Variants in ADAMTS13 observed in about 807,000 individuals in gnomAD.
ADAMTS13 encodes the protein A disintegrin and metalloproteinase with thrombospondin motifs 13.
ADAMTS13 carries 110 observed loss-of-function variants against 155.1 expected under a neutral mutation model. The ratio of observed to expected loss-of-function variants is 0.71; its 90% CI spans 0.61 to 0.83. ADAMTS13 has a LOEUF of 0.83. Ranked by LOEUF, ADAMTS13 falls within the 40% of genes least tolerant of loss-of-function variation. The pLI is 0.00. For synonymous variants in ADAMTS13, 758 were observed against 756.4 expected (o/e 1.00, Z -0.03); for missense variants, 1,707 against 1,891.7 (o/e 0.90, Z 1.81).
rs970382362 is a variant in ADAMTS13 at position 133,424,489 on chromosome 9, C to T, written c.330+11C>T. The T allele has an allele frequency of 6.2e-7, 1 of 1,610,174 alleles. No individual in the cohort carries two copies. The highest frequency in any genetic ancestry group is 2.2e-5 in the East Asian group (1 of 44,610). On this transcript the variant is annotated intron_variant, in intron 3 of 28. Transcript: ENST00000355699. The surrounding 1 kb of genome is among the most constrained non-coding windows in gnomAD (Gnocchi z 4.3). ...ACCAACCTCAACATCGTGAGTGCCC[C>T]ACGCTGGACTGTGCAGGTCCCCACG...
intron 25 of ADAMTS13, chr9:133,455,766 C>T: frequency 2.0e-6 from 2 of 984,930 alleles, no homozygotes; most frequent in Admixed American, 4.1e-5. Context: ...GCAAAACCTC[C>T]CTTTTACTAC....
rs142489534 is a variant in ADAMTS13 at position 133,456,566 on chromosome 9, C to T, written c.3571C>T (p.Arg1191Trp). Residue 1191 changes from arginine to tryptophan, a missense_variant, in exon 27 of 29, where the codon CGG (arginine) becomes TGG (tryptophan). Around this residue, in one of 3 missense-constraint regions of ADAMTS13, gnomAD observed 961 missense variants for 1,107.9 expected, o/e 0.87. Coordinates refer to ENST00000355699, the MANE Select transcript of ADAMTS13 (RefSeq NM_139027.6). This position sits in a 1 kb window ranked among gnomAD's most constrained non-coding sequence, Gnocchi z 4.4. ...AGGGGACATGTTGCTGCTTTGGGGC[C>T]GGCTCACCTGGAGGAAGATGTGCAG... is the stretch of plus-strand genomic sequence containing the variant. The part of the protein sequence containing the change: ...SAGDMLLLWG[R>W]LTWRKMCRKL... 94 of 1,613,364 alleles carry T rather than the reference C, an allele frequency of 5.8e-5. No homozygotes were observed. In the African/African-American group the frequency reaches 9.3e-4, roughly 16 times the overall value.
rs75528181 is a variant in ADAMTS13 at position 133,456,510 on chromosome 9, G to A, written c.3548-33G>A. 590 of 1,609,416 alleles carry A rather than the reference G, an allele frequency of 3.7e-4. 5 individuals carry two copies. The East Asian group carries it at 0.013, about 35-fold the overall frequency. On this transcript the variant is annotated intron_variant, in intron 26 of 28. Coordinates refer to ENST00000355699, the MANE Select transcript of ADAMTS13 (RefSeq NM_139027.6). This position sits in a 1 kb window ranked among gnomAD's most constrained non-coding sequence, Gnocchi z 4.4. ...ACTCCTCTGCTGACCAGGCGTGGGAGTGCTGGACCCTCACTGCCCTGCCGC... is the reference window on the plus strand; with the variant it reads ...ACTCCTCTGCTGACCAGGCGTGGGAATGCTGGACCCTCACTGCCCTGCCGC...
At chr9:133,433,184 G>A (rs1840901770) in intron 9 of ADAMTS13, among the ~76,000 whole-genome samples, 194 bp from the exon 10 acceptor site, 1 of 149,790 alleles carries the variant, frequency 6.7e-6, no homozygotes, top group Non-Finnish European at 1.5e-5. Context: ...GGGGGTCTCT[G>A]TGTGTGTTGG....
At chr9:133,436,220 G>A (rs1376503804) in intron 11 of ADAMTS13, among the ~76,000 whole-genome samples, 1 of 151,912 alleles carries the variant, frequency 6.6e-6, no homozygotes, top group African/African-American at 2.4e-5. Context: ...GGCCCTGGGT[G>A]TGGGTTTGTC....
chr9:133,457,762 A>T, intron 27 of ADAMTS13, 148 bp from the exon 28 acceptor site: 1 of 969,628 alleles, frequency 1.0e-6, no homozygotes, highest in Non-Finnish European at 1.6e-6. Context: ...AGGAAGTGGT[A>T]GAGGTGGGGT....
chr9:133,456,049 G>T lies in ADAMTS13; in HGVS notation c.3401-20G>T, dbSNP rs374340359. The T allele has an allele frequency of 6.2e-7, 1 of 1,613,004 alleles. No homozygotes were observed. Among genetic ancestry groups the T allele is most frequent in the Non-Finnish European group, 8.5e-7 (1 of 1,180,042 alleles). ...GGAATCGGGGAAGCACTGCTTACCT[G>T]TCTCCTGCTCCCTTTTCAGGTGCCT... On this transcript the variant is annotated intron_variant, in intron 25 of 28. Coordinates refer to ENST00000355699, the MANE Select transcript of ADAMTS13 (RefSeq NM_139027.6). This position sits in a 1 kb window ranked among gnomAD's most constrained non-coding sequence, Gnocchi z 4.4.
intron 17 of ADAMTS13, 37 bp downstream of exon 17, chr9:133,442,571 G>GCC (rs35957537): frequency 2.5e-6 from 4 of 1,613,418 alleles, no homozygotes; most frequent in Non-Finnish European, 3.4e-6. Context: ...AGCACGGCTT[G>GCC]CCCCTGCAGG....
In ADAMTS13 at chr9:133,425,703, C is replaced by T. The variant is rs1466001396; in HGVS notation, c.414+91C>T. 3.4e-6 allele frequency: 5 copies of T among 1,463,482 alleles called. No individual in the cohort carries two copies. Among genetic ancestry groups the T allele is most frequent in the East Asian group, 2.4e-5 (1 of 40,940 alleles). 90.7% of individuals were successfully genotyped at this position (1,463,482 alleles called of 1,614,324 possible). On this transcript the variant is annotated intron_variant, in intron 4 of 28. Coordinates refer to ENST00000355699, the MANE Select transcript of ADAMTS13 (RefSeq NM_139027.6). This position sits in a 1 kb window ranked among gnomAD's most constrained non-coding sequence, Gnocchi z 4.6. Reference sequence around the variant, plus strand: ...CCTCTTTAACCTCTTGTCCCGGATGCCCCAAGCAGCATGGATCACAGAATG... The same window carrying T: ...CCTCTTTAACCTCTTGTCCCGGATGTCCCAAGCAGCATGGATCACAGAATG...
chr9:133,424,205 G>T lies in ADAMTS13; in HGVS notation c.173-116G>T. 2 of 1,513,738 alleles carry T rather than the reference G, an allele frequency of 1.3e-6. No homozygotes were observed. Among genetic ancestry groups the T allele is most frequent in the East Asian group, 2.3e-5 (1 of 44,392 alleles). The allele number at this position is 1,513,738 out of a possible 1,614,324, so 93.8% of individuals were successfully genotyped here. A position where few individuals can be genotyped will look rare whatever the true frequency, so the allele number is the denominator to read the frequency against. On this transcript the variant is annotated intron_variant, in intron 2 of 28. Transcript: ENST00000355699. The surrounding 1 kb of genome is among the most constrained non-coding windows in gnomAD (Gnocchi z 4.3). Reference sequence around the variant, plus strand: ...CTGGCTCTTGGGGTGGGGGTGACACGCAATGTCTTGACTTCGGAAGGCCAT... The same window carrying T: ...CTGGCTCTTGGGGTGGGGGTGACACTCAATGTCTTGACTTCGGAAGGCCAT...
chr9:133,429,171 A>ACCC (rs1208389217), intron 7 of ADAMTS13, among the ~76,000 whole-genome samples: 1 of 10,372 alleles, frequency 9.6e-5, no homozygotes, highest in Non-Finnish European at 1.7e-4. Flanking sequence ...CCCTGCACCC[A>ACCC]CCCCCCCGTC....
At chr9:133,458,728 G>A (rs1588214654) in intron 28 of ADAMTS13, among the ~76,000 whole-genome samples, 1 of 152,260 alleles carries the variant, frequency 6.6e-6, no homozygotes, top group African/African-American at 2.4e-5. Flanking sequence ...ACTGTGTTCT[G>A]CAGGGTATCA....
chr9:133,447,587 CT>C (rs1231343284), intron 21 of ADAMTS13, among the ~76,000 whole-genome samples: 1 of 149,558 alleles, frequency 6.7e-6, no homozygotes, highest in Non-Finnish European at 1.5e-5. Context: ...TTTTCTTTTT[CT>C]TTTTTTTCTT....
upstream of ADAMTS13, chr9:133,417,521 G>A: frequency 8.0e-7 from 1 of 1,244,180 alleles, no homozygotes; most frequent in Non-Finnish European, 1.1e-6. Context: ...ATTCAAATCT[G>A]CCTTTACAGG....
At chr9:133,418,491 C>A (rs1004077635), upstream of ADAMTS13, among the ~76,000 whole-genome samples, 1 of 152,234 alleles carries the variant, frequency 6.6e-6, no homozygotes, top group East Asian at 1.9e-4. Flanking sequence ...CAGACAAGAA[C>A]CCCTCAGACA....
Position 133,431,336 on chromosome 9 carries a change from T to TC in ADAMTS13, c.987+1235_987+1236insC, listed in dbSNP as rs2130813824. Among the ~76,000 whole-genome samples the TC allele has an allele frequency of 2.0e-5, 3 of 151,472 alleles. No homozygotes were observed. The East Asian group carries it at 5.8e-4, about 29-fold the overall frequency. On this transcript the variant is annotated intron_variant, in intron 8 of 28. Transcript: ENST00000355699. The stretch of plus-strand genomic sequence containing the variant: ...CTGGAAGTTCATTTTTTCATTTTTT[T>TC]TTTTTTTTGAGACAGAGTCTCACTC...
intron 11 of ADAMTS13, 55 bp downstream of exon 11, chr9:133,433,759 G>A (rs1335923204): frequency 6.3e-7 from 1 of 1,591,512 alleles, no homozygotes; most frequent in Non-Finnish European, 8.6e-7. Context: ...GGCCCTGGGG[G>A]AGCCAAAGTG....
chr9:133,433,561 A>C (rs782624356), intron 10 of ADAMTS13, 32 bp downstream of exon 10: 2 of 1,613,686 alleles, frequency 1.2e-6, no homozygotes, highest in Non-Finnish European at 1.7e-6. Flanking sequence ...TCTGTCAGGG[A>C]GTGTGGCCAT....
chr9:133,456,038 A>G lies in ADAMTS13; in HGVS notation c.3401-31A>G. On this transcript the variant is annotated intron_variant, in intron 25 of 28. Coordinates refer to ENST00000355699, the MANE Select transcript of ADAMTS13 (RefSeq NM_139027.6). The surrounding 1 kb of genome is among the most constrained non-coding windows in gnomAD (Gnocchi z 4.4). Reference sequence around the variant, plus strand: ...CTGCCCTGCTGGGAATCGGGGAAGCACTGCTTACCTGTCTCCTGCTCCCTT... The same window carrying G: ...CTGCCCTGCTGGGAATCGGGGAAGCGCTGCTTACCTGTCTCCTGCTCCCTT... 1 of 1,613,008 alleles carries G rather than the reference A, an allele frequency of 6.2e-7. No homozygotes were observed. Among genetic ancestry groups the G allele is most frequent in the Non-Finnish European group, 8.5e-7 (1 of 1,180,018 alleles).
Sources: allele counts gnomAD v4.1 joint callset (sites outside exome capture counted in the v4.1 genomes callset), GRCh38; gene constraint gnomAD v4.1.1; regional missense constraint gnomAD v4.1.1; non-coding constraint Gnocchi (gnomAD v3.1); transcripts MANE v1.5; gene names NCBI Gene and HGNC (gene_info 2026-07-23, HGNC 2026-07-21).